GAPVD1: variants seen among roughly 807,000 people sequenced by gnomAD.
GAPVD1 encodes GTPase-activating protein and VPS9 domain-containing protein 1.
A neutral mutation model predicts 155.5 loss-of-function variants in GAPVD1; 35 were observed. The observed-to-expected ratio is 0.23, with a 90% CI of 0.17 to 0.30. The LOEUF (loss-of-function observed/expected upper bound fraction) is 0.30, where lower values mean the gene tolerates loss of function less well. GAPVD1 is among the 10% of genes least tolerant of loss of function. The pLI is 1.00. For synonymous variants in GAPVD1, 636 were observed against 619.7 expected (o/e 1.03, Z -0.39); for missense variants, 1,429 against 1,775.7 (o/e 0.80, Z 3.51).
At chr9:125,294,512 A>G (rs1005247851) in intron 2 of GAPVD1, among the ~76,000 whole-genome samples, 2 of 149,192 alleles carry the variant, frequency 1.3e-5, no homozygotes, top group Non-Finnish European at 3.0e-5. Flanking sequence ...ATGCCCGGCT[A>G]ATTTTTGAAT....
chr9:125,303,088 A>C (rs1182833066), intron 5 of GAPVD1, among the ~76,000 whole-genome samples: 15 of 152,010 alleles, frequency 9.9e-5, no homozygotes, highest in Non-Finnish European at 1.5e-4. Context: ...GCAGTGGCGC[A>C]ATCTCAGCTC....
chr9:125,309,896 A>T (rs1196553656), intron 8 of GAPVD1: 1 of 448,830 alleles, frequency 2.2e-6, no homozygotes. Flanking sequence ...CAGAGGGTTG[A>T]TTTTCTTTCT....
chr9:125,315,019 C>G lies in GAPVD1; in HGVS notation c.1602+2407C>G, dbSNP rs564199735. 2.9e-4 allele frequency among the ~76,000 whole-genome samples: 44 copies of G among 152,158 alleles called. No homozygotes were observed. The East Asian group carries it at 8.0e-3, about 28-fold the overall frequency. ...AGCCAGGATAGTCTCGATCTCCTGA[C>G]CTCGTGATCCGCCCACCTCGGCCTC... On this transcript the variant is annotated intron_variant, in intron 9 of 27. Coordinates refer to ENST00000297933, the MANE Select transcript of GAPVD1 (RefSeq NM_001282680.3).
chr9:125,345,742 A>G (rs1479216847), intron 19 of GAPVD1: 1 of 152,168 alleles, frequency 6.6e-6, no homozygotes, highest in Non-Finnish European at 1.5e-5. Context: ...TAGTTGAGAT[A>G]ATCTCTGTAA....
At chr9:125,271,802 C>G (rs541467908) in intron 2 of GAPVD1, among the ~76,000 whole-genome samples, 1 of 152,068 alleles carries the variant, frequency 6.6e-6, no homozygotes, top group Non-Finnish European at 1.5e-5. Flanking sequence ...CCACCTGCCT[C>G]GAGTGCTGGG....
chr9:125,273,681 G>A (rs1300504531), intron 2 of GAPVD1, among the ~76,000 whole-genome samples: 1 of 151,886 alleles, frequency 6.6e-6, no homozygotes, highest in African/African-American at 2.4e-5. Context: ...ATCAGAGGGC[G>A]ATGAAGTTCT....
chr9:125,342,846 C>G (rs1237081812), intron 19 of GAPVD1, among the ~76,000 whole-genome samples: 1 of 152,116 alleles, frequency 6.6e-6, no homozygotes, highest in East Asian at 1.9e-4. Context: ...GTTTTAAAAA[C>G]TTTACTAATT....
intron 2 of GAPVD1, among the ~76,000 whole-genome samples, chr9:125,293,658 T>TTA (rs60489668): frequency 0.018 from 749 of 41,934 alleles, 13 homozygotes; most frequent in African/African-American, 0.071. Flanking sequence ...AATATATATA[T>TTA]TATATATATA....
Position 125,323,986 on chromosome 9 carries a change from A to C in GAPVD1, c.1858+63A>C. 2.7e-6 allele frequency: 4 copies of C among 1,482,636 alleles called. No individual in the cohort carries two copies. The South Asian group carries it at 4.8e-5, about 18-fold the overall frequency. The allele number at this position is 1,482,636 out of a possible 1,614,324, so 91.8% of individuals were successfully genotyped here. A position where few individuals can be genotyped will look rare whatever the true frequency, so the allele number is the denominator to read the frequency against. ...GAATTTACCTGATTGCAAGATGAGC[A>C]GTGTGTTTTCATTAAGTTGGCTTGG... On this transcript the variant is annotated intron_variant, in intron 11 of 27. Coordinates refer to ENST00000297933, the MANE Select transcript of GAPVD1 (RefSeq NM_001282680.3).
At chr9:125,325,277 C>G (rs1392417809) in intron 11 of GAPVD1, among the ~76,000 whole-genome samples, 1 of 150,014 alleles carries the variant, frequency 6.7e-6, no homozygotes, top group Non-Finnish European at 1.5e-5. Flanking sequence ...ATCCCTAGCA[C>G]TTTGGGAGGC....
intron 2 of GAPVD1, among the ~76,000 whole-genome samples, chr9:125,286,076 G>T (rs145719294): frequency 2.0e-5 from 3 of 151,748 alleles, no homozygotes; most frequent in Non-Finnish European, 4.4e-5. Flanking sequence ...CCAAAGTGCC[G>T]GGTCCATAGA....
chr9:125,324,849 G>T (rs1229304275), intron 11 of GAPVD1, among the ~76,000 whole-genome samples: 1 of 152,176 alleles, frequency 6.6e-6, no homozygotes, highest in Admixed American at 6.5e-5. Context: ...AGCCACTGAA[G>T]GCTTTTGGTT....
intron 2 of GAPVD1, among the ~76,000 whole-genome samples, chr9:125,270,724 A>G (rs1439031683): frequency 4.6e-5 from 7 of 152,120 alleles, no homozygotes; most frequent in East Asian, 1.9e-4. Flanking sequence ...CGGGTGGATC[A>G]CCTGAGGTCA....
intron 12 of GAPVD1, among the ~76,000 whole-genome samples, chr9:125,329,647 T>A (rs993011854): frequency 6.6e-6 from 1 of 151,860 alleles, no homozygotes; most frequent in African/African-American, 2.4e-5. Context: ...TTTTTTTTTT[T>A]TTTGAGACAA....
At chr9:125,293,881 T>TAG (rs1839337595) in intron 2 of GAPVD1, among the ~76,000 whole-genome samples, 1 of 20,408 alleles carries the variant, frequency 4.9e-5, no homozygotes, top group South Asian at 9.4e-4. Context: ...TATATATATA[T>TAG]ATATATATAT....
At chr9:125,299,979 A>C (rs1840507835) in intron 4 of GAPVD1, among the ~76,000 whole-genome samples, 1 of 129,362 alleles carries the variant, frequency 7.7e-6, no homozygotes, top group Non-Finnish European at 1.6e-5. Context: ...AAATCGCACC[A>C]CTGCACTCTA....
At chr9:125,265,287 GA>G (rs895002688) in intron 1 of GAPVD1, among the ~76,000 whole-genome samples, 52 of 148,282 alleles carry the variant, frequency 3.5e-4, no homozygotes, top group African/African-American at 1.2e-3. Flanking sequence ...CTTTTTTTTT[GA>G]AACAAGGTCT....
chr9:125,285,390 A>C (rs1837483800), intron 2 of GAPVD1, among the ~76,000 whole-genome samples: 1 of 152,080 alleles, frequency 6.6e-6, no homozygotes, highest in Admixed American at 6.6e-5. Context: ...ACATGAGTTG[A>C]AAAACTTGAA....
intron 19 of GAPVD1, among the ~76,000 whole-genome samples, chr9:125,343,907 C>T (rs758679026): frequency 2.6e-5 from 4 of 152,140 alleles, no homozygotes; most frequent in African/African-American, 4.8e-5. Context: ...GTTGAATCAA[C>T]AATTCTGAAG....
Sources: allele counts gnomAD v4.1 joint callset (sites outside exome capture counted in the v4.1 genomes callset), GRCh38; gene constraint gnomAD v4.1.1; transcripts MANE v1.5; gene names NCBI Gene and HGNC (gene_info 2026-07-23, HGNC 2026-07-21).